Variants in TET1 observed in about 807,000 individuals in gnomAD.
The protein encoded by TET1 is tet methylcytosine dioxygenase 1.
A neutral mutation model predicts 148.7 loss-of-function variants in TET1; 13 were observed. The observed-to-expected ratio is 0.09, with a 90% confidence interval of 0.06 to 0.14. TET1 has a LOEUF of 0.14. Ranked by LOEUF, TET1 falls within the 10% of genes least tolerant of loss-of-function variation. The pLI is 1.00. For missense variants in TET1, 2,182 were observed against 2,553.8 expected (o/e 0.85, Z 3.14); for synonymous variants, 907 against 937.2 (o/e 0.97, Z 0.59).
rs1188096296 is a variant in TET1, at chr10:68,645,287, G to A, written c.2558G>A (p.Gly853Asp). 3 of 1,613,992 alleles carry A rather than the reference G, an allele frequency of 1.9e-6. No homozygotes were observed. The African/African-American group carries it at 4.0e-5, about 22-fold the overall frequency. Residue 853 changes from glycine (G) to aspartate (D), a missense_variant, in exon 4 of 12, where the codon GGT becomes GAT. Gly to Asp is a moderately conservative substitution (Grantham distance 94, BLOSUM62 -1). This residue lies in a region of TET1 where 582 missense variants were observed against 599.5 expected (regional missense o/e 0.97). Coordinates refer to ENST00000373644, the MANE Select transcript of TET1 (RefSeq NM_030625.3). ...CATCATGCTAGTATACACAATGAAG[G>A]TGATCAACCAAAAACTCCTGAGAAT... ...INHHASIHNE[G>D]DQPKTPENIP...
chr10:68,569,792 A>T (rs925550876), intron 1 of TET1, among the ~76,000 whole-genome samples: 1 of 152,004 alleles, frequency 6.6e-6, no homozygotes, highest in Non-Finnish European at 1.5e-5. Flanking sequence ...TAATAATAAT[A>T]AATTAATTAA....
At chr10:68,640,359 G>A (rs1163600597) in intron 3 of TET1, among the ~76,000 whole-genome samples, 1 of 151,270 alleles carries the variant, frequency 6.6e-6, no homozygotes, top group Non-Finnish European at 1.5e-5. Flanking sequence ...TGCCCGCCAG[G>A]TTCAAGTGAT....
chr10:68,623,419 T>C (rs761027267), intron 3 of TET1, among the ~76,000 whole-genome samples: 1 of 152,220 alleles, frequency 6.6e-6, no homozygotes, highest in Non-Finnish European at 1.5e-5. Flanking sequence ...AACAGCCTAC[T>C]ACATACTGTT....
chr10:68,626,892 A>T (rs938606113), intron 3 of TET1, among the ~76,000 whole-genome samples: 3 of 152,152 alleles, frequency 2.0e-5, no homozygotes, highest in African/African-American at 7.2e-5. Flanking sequence ...AGATATTCTC[A>T]TTCTATCGCC....
chr10:68,583,127 G>A (rs1391913264), intron 2 of TET1, among the ~76,000 whole-genome samples: 1 of 152,192 alleles, frequency 6.6e-6, no homozygotes, highest in Non-Finnish European at 1.5e-5. Context: ...AAGTTACACT[G>A]TGATGTAATA....
intron 1 of TET1, among the ~76,000 whole-genome samples, chr10:68,565,721 T>G (rs2133665850): frequency 6.6e-6 from 1 of 152,226 alleles, no homozygotes; most frequent in East Asian, 1.9e-4. Context: ...CCCTACTCCG[T>G]GAGTTCGGCT....
intron 2 of TET1, among the ~76,000 whole-genome samples, chr10:68,578,301 C>T (rs2053755075): frequency 6.6e-6 from 1 of 152,106 alleles, no homozygotes; most frequent in Non-Finnish European, 1.5e-5. Flanking sequence ...CTCTGTCACC[C>T]AGGCTGGAGT....
chr10:68,629,025 A>G (rs1436679083), intron 3 of TET1, among the ~76,000 whole-genome samples: 45 of 152,206 alleles, frequency 3.0e-4, no homozygotes, highest in Admixed American at 2.9e-3. Context: ...TCTAAAATAG[A>G]AATTCATCGT....
At chr10:68,561,782 C>T (rs1377598418) in intron 1 of TET1, among the ~76,000 whole-genome samples, 1 of 146,022 alleles carries the variant, frequency 6.8e-6, no homozygotes, top group Non-Finnish European at 1.5e-5. Flanking sequence ...AAGAAGTGGT[C>T]TGGAAGGGAC....
chr10:68,570,449 T>C (rs1408300292), intron 1 of TET1, among the ~76,000 whole-genome samples: 2 of 151,826 alleles, frequency 1.3e-5, no homozygotes, highest in Admixed American at 6.6e-5. Context: ...CCTCCCTCCT[T>C]CTCTAGTAGT....
In TET1 at chr10:68,573,002, C is replaced by T. The variant is rs775155506; in HGVS notation, c.664C>T (p.Arg222Cys). The T allele has an allele frequency of 2.5e-5, 40 of 1,613,984 alleles. No individual in the cohort carries two copies. The highest frequency in any genetic ancestry group is 1.7e-4 in the Admixed American group (10 of 59,980). Reference protein sequence around the residue: ...EILPGPLEGTRCGEGLFSEET... With the variant: ...EILPGPLEGTCCGEGLFSEET... ...CCTTCCTGGGCCACTGGAAGGGACA[C>T]GCTGTGGTGAAGGACTATTCTCTGA... Residue 222 changes from arginine to cysteine, a missense_variant, in exon 2 of 12, where the codon CGC becomes TGC. This residue lies in a region of TET1 where 665 missense variants were observed against 672.4 expected (regional missense o/e 0.99). Transcript: ENST00000373644.
At chr10:68,666,447 AT>A (rs1170796414) in intron 6 of TET1, among the ~76,000 whole-genome samples, 1 of 152,188 alleles carries the variant, frequency 6.6e-6, no homozygotes, top group African/African-American at 2.4e-5. Flanking sequence ...TGTCAAGTTT[AT>A]TTTTAATGTT....
chr10:68,573,363 A>T lies in TET1; in HGVS notation c.1025A>T (p.Lys342Ile). The change falls in exon 2 of 12, where the codon AAA becomes ATA. Residue 342 changes from lysine (K) to isoleucine (I), a missense_variant. This residue lies in a region of TET1 where 665 missense variants were observed against 672.4 expected (regional missense o/e 0.99). Transcript: ENST00000373644. ...TCAAAACAAGCGACCCTTGGTGCTA[A>T]ACCAGATCATCAAGAGGCCTTCGAA... is the stretch of plus-strand genomic sequence containing the variant. ...AGSKQATLGA[K>I]PDHQEAFEAT... is the part of the protein sequence containing the mutation. 1.9e-6 allele frequency: 3 copies of T among 1,614,148 alleles called. No homozygotes were observed. The highest frequency in any genetic ancestry group is 1.3e-5 in the African/African-American group (1 of 75,036).
intron 3 of TET1, among the ~76,000 whole-genome samples, chr10:68,629,802 C>T (rs1347386301): frequency 6.6e-6 from 1 of 152,216 alleles, no homozygotes; most frequent in African/African-American, 2.4e-5. Flanking sequence ...TCCCAAAGTG[C>T]TGGGATTACA....
At chr10:68,617,165 G>A (rs2054305175) in intron 3 of TET1, among the ~76,000 whole-genome samples, 1 of 150,082 alleles carries the variant, frequency 6.7e-6, no homozygotes, top group South Asian at 2.1e-4. Context: ...GGGACTATAG[G>A]CGCCTGCCAC....
chr10:68,636,981 T>TG (rs61255091), intron 3 of TET1, among the ~76,000 whole-genome samples: 9,325 of 102,434 alleles, frequency 0.091, 374 homozygotes, highest in Non-Finnish European at 0.14. Flanking sequence ...ATTTTACTCG[T>TG]TGTGTGTGTG....
chr10:68,685,860 T>A (rs182499917), intron 10 of TET1, among the ~76,000 whole-genome samples: 1,877 of 151,916 alleles, frequency 0.012, 35 homozygotes, highest in African/African-American at 0.038. Context: ...TAAAAAAAAA[T>A]TTTTTTTAAC....
intron 2 of TET1, among the ~76,000 whole-genome samples, chr10:68,583,717 C>A (rs1011010992): frequency 6.6e-6 from 1 of 152,082 alleles, no homozygotes; most frequent in Non-Finnish European, 1.5e-5. Flanking sequence ...TCAAGACCAT[C>A]CTGGCTAACA....
At chr10:68,670,731 T>C (rs955075116) in intron 7 of TET1, among the ~76,000 whole-genome samples, 4 of 152,222 alleles carry the variant, frequency 2.6e-5, no homozygotes, top group African/African-American at 9.6e-5. Context: ...CAAAATGTTT[T>C]AACCATTTTC....
Sources: allele counts gnomAD v4.1 joint callset (sites outside exome capture counted in the v4.1 genomes callset), GRCh38; gene constraint gnomAD v4.1.1; regional missense constraint gnomAD v4.1.1; transcripts MANE v1.5; gene names NCBI Gene and HGNC (gene_info 2026-07-23, HGNC 2026-07-21).